STYK1: variants seen among roughly 807,000 people sequenced by gnomAD.
STYK1 encodes the protein tyrosine-protein kinase STYK1.
In STYK1, 46 loss-of-function variants were observed where a neutral mutation model predicts 48.1. The ratio of observed to expected loss-of-function variants is 0.96; its 90% confidence interval spans 0.75 to 1.22. The LOEUF (loss-of-function observed/expected upper bound fraction) is 1.22, where lower values mean the gene tolerates loss of function less well. STYK1 is among the 50% of genes most tolerant of loss of function. STYK1 has a pLI of 0.00. For synonymous variants in STYK1, 188 were observed against 189.0 expected (o/e 0.99, Z 0.04); for missense variants, 527 against 521.1 (o/e 1.01, Z -0.11).
At chr12:10,654,973 CCTT>C (rs1369216059) in intron 1 of STYK1, among the ~76,000 whole-genome samples, 1 of 152,162 alleles carries the variant, frequency 6.6e-6, no homozygotes, top group African/African-American at 2.4e-5. Context: ...TCTCTGAGCT[CCTT>C]GCCTTCCCCA....
At chr12:10,652,063 A>ATTC (rs1313699651) in intron 1 of STYK1, among the ~76,000 whole-genome samples, 1 of 152,172 alleles carries the variant, frequency 6.6e-6, no homozygotes. Context: ...TCAGAATCAG[A>ATTC]CTCTGGGAAT....
chr12:10,623,003 A>G (rs1477095556), intron 8 of STYK1, among the ~76,000 whole-genome samples: 2 of 152,208 alleles, frequency 1.3e-5, no homozygotes, highest in African/African-American at 2.4e-5. Context: ...ACATTTACCT[A>G]AAAATATTCC....
chr12:10,623,408 C>T (rs1300855679), intron 8 of STYK1, among the ~76,000 whole-genome samples: 1 of 152,168 alleles, frequency 6.6e-6, no homozygotes, highest in Non-Finnish European at 1.5e-5. Context: ...GGATATTCTA[C>T]ATTACATCAA....
intron 6 of STYK1, 25 bp downstream of exon 6, chr12:10,629,468 C>T (rs1947396069): frequency 1.2e-6 from 2 of 1,612,300 alleles, no homozygotes; most frequent in South Asian, 1.1e-5. Context: ...CCTTAACCTC[C>T]TAATACCTCT....
rs1269506328 is a variant in STYK1 at position 10,625,202 on chromosome 12, CTTTTTTTG to C, written c.718-351_718-344del. ...AAGGGAGTAGATTCCAAGTTTCTTT[CTTTTTTTG>C]TTTGTTTGTTTGTTTGTTTGTTTGT... On this transcript the variant is annotated intron_variant, in intron 7 of 10. Transcript: ENST00000075503. Among the ~76,000 whole-genome samples, 89 of 122,210 alleles carry C rather than the reference CTTTTTTTG, an allele frequency of 7.3e-4. No individual in the cohort carries two copies. In the South Asian group the frequency reaches 0.019, roughly 26 times the overall value. The allele number at this position is 122,210 out of a possible 152,430, so 80.2% of individuals were successfully genotyped here. A position where few individuals can be genotyped will look rare whatever the true frequency, so the allele number is the denominator to read the frequency against.
chr12:10,650,617 T>A (rs975307894), intron 1 of STYK1, among the ~76,000 whole-genome samples: 1 of 152,196 alleles, frequency 6.6e-6, no homozygotes, highest in Non-Finnish European at 1.5e-5. Flanking sequence ...AAAATTTCTT[T>A]CTTCTTAGCA....
At chr12:10,624,379 A>C (rs1159830159) in intron 8 of STYK1, among the ~76,000 whole-genome samples, 1 of 152,050 alleles carries the variant, frequency 6.6e-6, no homozygotes, top group African/African-American at 2.4e-5. Context: ...AGCTGTGATC[A>C]TGCCACTTCA....
intron 1 of STYK1, among the ~76,000 whole-genome samples, chr12:10,670,135 A>G (rs1185139889): frequency 6.6e-6 from 1 of 152,194 alleles, no homozygotes; most frequent in African/African-American, 2.4e-5. Context: ...TATACATCCA[A>G]TAGTGATCTG....
intron 1 of STYK1, among the ~76,000 whole-genome samples, chr12:10,668,462 G>A (rs1434932912): frequency 8.8e-5 from 13 of 147,386 alleles, no homozygotes; most frequent in Admixed American, 6.1e-4. Flanking sequence ...TGCAACCTCC[G>A]CCTCCCAGGT....
chr12:10,627,507 T>A (rs746657711), intron 7 of STYK1, 134 bp downstream of exon 7: 1 of 701,478 alleles, frequency 1.4e-6, no homozygotes, highest in Non-Finnish European at 2.3e-6. Flanking sequence ...CTTGAGTTTC[T>A]GCCCCCTAAC....
intron 1 of STYK1, among the ~76,000 whole-genome samples, chr12:10,642,840 G>A (rs967395430): frequency 1.2e-4 from 18 of 152,162 alleles, no homozygotes; most frequent in African/African-American, 4.3e-4. Context: ...GTAAGGTACA[G>A]AAATGGAAAG....
chr12:10,630,759 G>A (rs1312617111), intron 5 of STYK1, among the ~76,000 whole-genome samples: 1 of 151,776 alleles, frequency 6.6e-6, no homozygotes, highest in Non-Finnish European at 1.5e-5. Context: ...AATAAAGACT[G>A]TGTAAAAACC....
At chr12:10,646,217 A>T (rs566361418) in intron 1 of STYK1, among the ~76,000 whole-genome samples, 83 of 152,348 alleles carry the variant, frequency 5.4e-4, no homozygotes, top group Admixed American at 1.3e-3. Context: ...AGAAGACAGG[A>T]AACTGTGGGA....
At chr12:10,646,694 T>C (rs1947603346) in intron 1 of STYK1, among the ~76,000 whole-genome samples, 1 of 152,184 alleles carries the variant, frequency 6.6e-6, no homozygotes, top group Admixed American at 6.5e-5. Context: ...CCAGGGCATG[T>C]CAGAGACCTT....
intron 1 of STYK1, among the ~76,000 whole-genome samples, chr12:10,646,131 A>G (rs1280295616): frequency 6.6e-6 from 1 of 152,196 alleles, no homozygotes; most frequent in African/African-American, 2.4e-5. Context: ...GTGCTACTGA[A>G]AAGACAGCCA....
At chr12:10,620,449 T>C in intron 10 of STYK1, 101 bp from the exon 11 acceptor site, 3 of 1,067,030 alleles carry the variant, frequency 2.8e-6, no homozygotes, top group Non-Finnish European at 4.2e-6. Context: ...CTGCAATTCT[T>C]TAATTGTCTT....
At chr12:10,668,539 CTTTTTTTTT>C (rs55897413) in intron 1 of STYK1, among the ~76,000 whole-genome samples, 10 of 46,502 alleles carry the variant, frequency 2.2e-4, no homozygotes, top group East Asian at 1.3e-3. Flanking sequence ...CCACACCTGG[CTTTTTTTTT>C]TTTTTTTTTT....
At chr12:10,657,300 A>G (rs1947729860) in intron 1 of STYK1, among the ~76,000 whole-genome samples, 1 of 152,190 alleles carries the variant, frequency 6.6e-6, no homozygotes, top group African/African-American at 2.4e-5. Flanking sequence ...AAACTTAAAA[A>G]TTGGCAAATG....
chr12:10,651,045 AGT>A, intron 1 of STYK1, among the ~76,000 whole-genome samples: 1 of 149,888 alleles, frequency 6.7e-6, no homozygotes, highest in Middle Eastern at 3.5e-3. Flanking sequence ...TGTGTGTGCA[AGT>A]GTGGTTTTGG....
Sources: allele counts gnomAD v4.1 joint callset (sites outside exome capture counted in the v4.1 genomes callset), GRCh38; gene constraint gnomAD v4.1.1; transcripts MANE v1.5; gene names NCBI Gene and HGNC (gene_info 2026-07-23, HGNC 2026-07-21).